The following GRIA4 variants were observed in gnomAD, a reference collection of about 807,000 sequenced individuals.
GRIA4 encodes glutamate ionotropic receptor AMPA type subunit 4.
A neutral mutation model predicts 104.0 loss-of-function variants in GRIA4; 34 were observed. That is an observed-to-expected ratio of 0.33 (90% CI 0.25 to 0.44). The LOEUF is 0.44. Ranked by LOEUF, GRIA4 falls within the 20% of genes least tolerant of loss-of-function variation. The pLI is 1.00. For missense variants in GRIA4, 750 were observed against 1,096.5 expected (o/e 0.68, Z 4.46); for synonymous variants, 386 against 381.9 (o/e 1.01, Z -0.13).
At chr11:105,732,597 C>G (rs1221288438) in intron 3 of GRIA4, among the ~76,000 whole-genome samples, 1 of 152,146 alleles carries the variant, frequency 6.6e-6, no homozygotes, top group African/African-American at 2.4e-5. Flanking sequence ...GCTGCTACCA[C>G]TTTGTGGGGT....
intron 11 of GRIA4, 116 bp from the exon 12 acceptor site, chr11:105,924,283 C>T: frequency 1.4e-6 from 1 of 713,912 alleles, no homozygotes; most frequent in Non-Finnish European, 2.3e-6. Context: ...GTTGGCACTC[C>T]AAAAATAAAT....
At chr11:105,674,691 T>C (rs1205980850) in intron 3 of GRIA4, among the ~76,000 whole-genome samples, 1 of 151,924 alleles carries the variant, frequency 6.6e-6, no homozygotes, top group Admixed American at 6.6e-5. Context: ...TTATAGTTAT[T>C]ACTACTGGGA....
At chr11:105,966,317 T>C (rs474158) in intron 14 of GRIA4, among the ~76,000 whole-genome samples, 142,147 of 152,282 alleles carry the variant, frequency 0.93, 66,454 homozygotes, top group African/African-American at 0.97. Context: ...ACGTTATAAG[T>C]CTATGAATCT....
chr11:105,646,410 T>G (rs768700437), intron 3 of GRIA4, among the ~76,000 whole-genome samples: 6 of 152,100 alleles, frequency 3.9e-5, no homozygotes, highest in Non-Finnish European at 1.5e-5. Flanking sequence ...CTTGGCAACA[T>G]AGTGAGACTC....
chr11:105,973,335 T>A (rs1389353029), intron 15 of GRIA4, among the ~76,000 whole-genome samples: 2 of 152,146 alleles, frequency 1.3e-5, no homozygotes, highest in Non-Finnish European at 2.9e-5. Flanking sequence ...CTTCTTGCAA[T>A]AACATTATGT....
chr11:105,890,641 C>A lies in GRIA4; in HGVS notation c.726+3069C>A, dbSNP rs191747306. ...CAGTGTACTGGCATCTCACCTCCAA[C>A]CAGGCCAAAAGAAGTAGAAATCCTT... On this transcript the variant is annotated intron_variant, in intron 6 of 16. Coordinates refer to ENST00000282499, the MANE Select transcript of GRIA4 (RefSeq NM_000829.4). 3.9e-3 allele frequency among the ~76,000 whole-genome samples: 600 copies of A among 152,264 alleles called. 5 individuals carry two copies. Among genetic ancestry groups the A allele is most frequent in the African/African-American group, 0.013 (553 of 41,548 alleles).
At chr11:105,759,783 C>T (rs1475817034) in intron 4 of GRIA4, among the ~76,000 whole-genome samples, 2 of 152,180 alleles carry the variant, frequency 1.3e-5, no homozygotes, top group Non-Finnish European at 2.9e-5. Flanking sequence ...TTCTTCCACA[C>T]ATTGATCTTC....
chr11:105,632,995 T>C (rs563355693), intron 3 of GRIA4, among the ~76,000 whole-genome samples: 75 of 152,312 alleles, frequency 4.9e-4, no homozygotes, highest in Admixed American at 1.0e-3. Flanking sequence ...AAGATGGTGC[T>C]GTTCACCAGG....
rs534720870 is a variant in GRIA4, at chr11:105,732,155, T to TG, written c.248-20821dup. 2.9e-3 allele frequency among the ~76,000 whole-genome samples: 441 copies of TG among 151,984 alleles called. 2 individuals carry two copies. Among genetic ancestry groups the TG allele is most frequent in the African/African-American group, 0.01 (425 of 41,432 alleles). On this transcript the variant is annotated intron_variant, in intron 3 of 16. Coordinates refer to ENST00000282499, the MANE Select transcript of GRIA4 (RefSeq NM_000829.4). Reference sequence around the variant, plus strand: ...GCATGAACAATAAGGAATTAAAGAGTGGGGGAAGGCTCCCTGCCAAGGTTG... The same window carrying TG: ...GCATGAACAATAAGGAATTAAAGAGTGGGGGGAAGGCTCCCTGCCAAGGTTG...
At chr11:105,978,491 A>G (rs965152897) in intron 16 of GRIA4, among the ~76,000 whole-genome samples, 9 of 152,138 alleles carry the variant, frequency 5.9e-5, no homozygotes, top group Non-Finnish European at 1.2e-4. Flanking sequence ...TGAAGTTTTC[A>G]GAGTAACTGA....
chr11:105,676,762 C>A (rs1230781737), intron 3 of GRIA4, among the ~76,000 whole-genome samples: 1 of 151,476 alleles, frequency 6.6e-6, no homozygotes, highest in Non-Finnish European at 1.5e-5. Context: ...GAAGCATGCA[C>A]AGGTTAACCA....
At position 105,896,982 on chromosome 11, in the gene GRIA4, C is replaced by A. The variant is rs575297035; in HGVS notation, c.727-1287C>A. Among the ~76,000 whole-genome samples the A allele has an allele frequency of 2.0e-5, 3 of 152,190 alleles. No homozygotes were observed. In the East Asian group the frequency reaches 5.8e-4, roughly 29 times the overall value. ...TAATTTGATAGGAATTGCATTGAATCTGTAGATTGTTTTGGGCAATGTAAT... is the reference window on the plus strand; with the variant it reads ...TAATTTGATAGGAATTGCATTGAATATGTAGATTGTTTTGGGCAATGTAAT... On this transcript the variant is annotated intron_variant, in intron 6 of 16. Transcript: ENST00000282499.
At chr11:105,790,943 C>T (rs1321677810) in intron 4 of GRIA4, among the ~76,000 whole-genome samples, 2 of 152,110 alleles carry the variant, frequency 1.3e-5, no homozygotes, top group Admixed American at 6.6e-5. Context: ...AAATGCTCTT[C>T]GTATTGACAG....
chr11:105,726,124 C>G (rs1938192128), intron 3 of GRIA4, among the ~76,000 whole-genome samples: 1 of 152,152 alleles, frequency 6.6e-6, no homozygotes, highest in Non-Finnish European at 1.5e-5. Flanking sequence ...TAGAGCCCAG[C>G]AAGCTAAGAT....
chr11:105,868,049 A>AT (rs1344130744), intron 5 of GRIA4, among the ~76,000 whole-genome samples: 1 of 152,192 alleles, frequency 6.6e-6, no homozygotes, highest in Non-Finnish European at 1.5e-5. Context: ...AGAAACATGC[A>AT]TAAATAATTA....
chr11:105,699,755 T>C (rs1023624721), intron 3 of GRIA4, among the ~76,000 whole-genome samples: 3 of 152,028 alleles, frequency 2.0e-5, no homozygotes, highest in Admixed American at 6.6e-5. Flanking sequence ...AGTTTAAACA[T>C]CACCTTATCA....
chr11:105,937,202 G>A (rs1948069280), intron 14 of GRIA4, among the ~76,000 whole-genome samples: 1 of 151,998 alleles, frequency 6.6e-6, no homozygotes, highest in African/African-American at 2.4e-5. Context: ...GCATTGCAAT[G>A]GAATGTAAAG....
chr11:105,757,783 T>C (rs1435999899), intron 4 of GRIA4, among the ~76,000 whole-genome samples: 1 of 152,140 alleles, frequency 6.6e-6, no homozygotes, highest in Non-Finnish European at 1.5e-5. Flanking sequence ...CAGATGTTAA[T>C]GAGACCTCTG....
intron 3 of GRIA4, among the ~76,000 whole-genome samples, chr11:105,715,687 C>A (rs1954067795): frequency 6.6e-6 from 1 of 152,094 alleles, no homozygotes; most frequent in East Asian, 1.9e-4. Context: ...AACAAAATGA[C>A]CCAAAGAATT....
Sources: gnomAD v4.1 joint callset for allele counts (sites outside exome capture counted in the v4.1 genomes callset) on GRCh38, gnomAD v4.1.1 for gene constraint, MANE v1.5 for transcripts, NCBI Gene and HGNC (gene_info 2026-07-23, HGNC 2026-07-21) for gene names.